Variants in PRKN observed in about 807,000 individuals in gnomAD.
The protein encoded by PRKN is E3 ubiquitin-protein ligase parkin.
In PRKN, 56 loss-of-function variants were observed where a neutral mutation model predicts 59.5. The ratio of observed to expected loss-of-function variants is 0.94; its 90% CI spans 0.76 to 1.18. The LOEUF (loss-of-function observed/expected upper bound fraction) is 1.18. Ranked by LOEUF, PRKN falls within the 50% of genes most tolerant of loss-of-function variation. PRKN has a pLI of 0.00. For missense variants in PRKN, 657 were observed against 596.4 expected (o/e 1.10, Z -1.06); for synonymous variants, 250 against 222.1 (o/e 1.13, Z -1.12).
At chr6:161,834,272 C>A (rs772494861) in intron 6 of PRKN, among the ~76,000 whole-genome samples, 49 of 152,086 alleles carry the variant, frequency 3.2e-4, no homozygotes, top group Admixed American at 3.9e-4. Flanking sequence ...GCCAAATAAT[C>A]CCCCTCCAGA....
intron 9 of PRKN, among the ~76,000 whole-genome samples, chr6:161,435,345 C>T (rs138119430): frequency 2.0e-5 from 3 of 152,240 alleles, no homozygotes; most frequent in African/African-American, 4.8e-5. Flanking sequence ...CATGCTCTGA[C>T]GCCTCCTGCC....
chr6:162,052,278 A>G (rs552240508), intron 5 of PRKN, among the ~76,000 whole-genome samples: 8 of 152,062 alleles, frequency 5.3e-5, no homozygotes, highest in Non-Finnish European at 7.4e-5. Flanking sequence ...TATAATTTAT[A>G]TATAATTCTA....
chr6:161,878,348 C>G (rs1040130238), intron 6 of PRKN, among the ~76,000 whole-genome samples: 24 of 152,058 alleles, frequency 1.6e-4, no homozygotes, highest in African/African-American at 5.1e-4. Flanking sequence ...GGAACTGAAT[C>G]AAGAAATAAA....
intron 7 of PRKN, among the ~76,000 whole-genome samples, chr6:161,577,100 G>C (rs900176997): frequency 6.6e-6 from 1 of 152,168 alleles, no homozygotes; most frequent in East Asian, 1.9e-4. Flanking sequence ...GTCTTAAAGT[G>C]TATTACAATA....
chr6:162,543,946 T>C (rs1008044409), intron 1 of PRKN, among the ~76,000 whole-genome samples: 1 of 152,182 alleles, frequency 6.6e-6, no homozygotes, highest in Non-Finnish European at 1.5e-5. Context: ...AACCTTTACT[T>C]TCATCCCAGG....
chr6:162,472,468 T>TATATATATATATATATATATATATA (rs1385821060), intron 1 of PRKN, among the ~76,000 whole-genome samples: 149 of 104,258 alleles, frequency 1.4e-3, no homozygotes, highest in East Asian at 2.5e-3. Context: ...TTTTATTTTA[T>TATATATATATATATATATATATATA]TTTATTTTAT....
At chr6:162,669,110 T>A (rs933128630) in intron 1 of PRKN, among the ~76,000 whole-genome samples, 30 of 152,130 alleles carry the variant, frequency 2.0e-4, no homozygotes, top group African/African-American at 7.0e-4. Context: ...AATCCACAGT[T>A]TTTTTTATTA....
At chr6:162,204,791 T>C (rs1281275744) in intron 3 of PRKN, among the ~76,000 whole-genome samples, 1 of 151,852 alleles carries the variant, frequency 6.6e-6, no homozygotes, top group Admixed American at 6.6e-5. Flanking sequence ...TGAGTCACCG[T>C]GGCCATTCAG....
In PRKN at chr6:161,471,145, T is replaced by G. The variant is rs572494821; in HGVS notation, c.1083+77709A>C. Among the ~76,000 whole-genome samples, 2 of 152,302 alleles carry G rather than the reference T, an allele frequency of 1.3e-5. No homozygotes were observed. The highest frequency in any genetic ancestry group is 4.1e-4 in the South Asian group (2 of 4,822). ...TCCCAGGTCCTGCAAATGTTAGGAC[T>G]GGACTAACCACTCCCTCTCAATAGA... is the stretch of plus-strand genomic sequence containing the variant. On this transcript the variant is annotated intron_variant, in intron 9 of 11. Transcript: ENST00000366898. This position sits in a 1 kb window ranked among gnomAD's most constrained non-coding sequence, Gnocchi z 4.5.
intron 1 of PRKN, among the ~76,000 whole-genome samples, chr6:162,470,182 G>C (rs891898988): frequency 7.2e-5 from 11 of 152,162 alleles, no homozygotes; most frequent in African/African-American, 2.7e-4. Context: ...GGACTTAAAC[G>C]CTGCATAGAC....
At chr6:161,992,542 T>C (rs1434315569) in intron 5 of PRKN, among the ~76,000 whole-genome samples, 2 of 152,200 alleles carry the variant, frequency 1.3e-5, no homozygotes, top group East Asian at 1.9e-4. Context: ...CAGCACTGGA[T>C]AGATCTATGA....
At chr6:162,212,022 TGTTCTAAAA>T (rs1424677001) in intron 3 of PRKN, among the ~76,000 whole-genome samples, 21 of 152,290 alleles carry the variant, frequency 1.4e-4, no homozygotes, top group African/African-American at 4.8e-4. Flanking sequence ...AATTACATAT[TGTTCTAAAA>T]GTCTGCACTG....
intron 1 of PRKN, among the ~76,000 whole-genome samples, chr6:162,445,964 A>C (rs1005455191): frequency 2.0e-5 from 3 of 152,062 alleles, no homozygotes; most frequent in Non-Finnish European, 2.9e-5. Flanking sequence ...GACATCTCTG[A>C]CCAGCACGGA....
intron 5 of PRKN, among the ~76,000 whole-genome samples, chr6:161,994,623 G>C (rs1781771801): frequency 6.6e-6 from 1 of 151,504 alleles, no homozygotes; most frequent in African/African-American, 2.4e-5. Context: ...AAAGTTGGAG[G>C]ACACAAAATC....
chr6:162,099,136 C>G (rs1416278956), intron 4 of PRKN, among the ~76,000 whole-genome samples: 2 of 152,132 alleles, frequency 1.3e-5, no homozygotes, highest in Non-Finnish European at 2.9e-5. Context: ...CCATTTCCAA[C>G]TTTAACACCG....
chr6:162,246,668 T>G (rs994097432), intron 3 of PRKN, among the ~76,000 whole-genome samples: 2 of 152,164 alleles, frequency 1.3e-5, no homozygotes, highest in Non-Finnish European at 2.9e-5. Context: ...CAGTGTTAAA[T>G]ATGTGATAAG....
At position 161,468,715 on chromosome 6, in the gene PRKN, C is replaced by G. The variant is rs185050014; in HGVS notation, c.1083+80139G>C. 6.6e-6 allele frequency among the ~76,000 whole-genome samples: 1 copy of G among 152,078 alleles called. No homozygotes were observed. Among genetic ancestry groups the G allele is most frequent in the Non-Finnish European group, 1.5e-5 (1 of 68,020 alleles). On this transcript the variant is annotated intron_variant, in intron 9 of 11. Transcript: ENST00000366898. This position sits in a 1 kb window ranked among gnomAD's most constrained non-coding sequence, Gnocchi z 5.9. The stretch of plus-strand genomic sequence containing the variant: ...TGCTATTTACCACTAATGCAGCTGC[C>G]GGGAGGATCCAGCCTCAGAGGACTT...
At chr6:161,779,322 A>G (rs60151691) in intron 7 of PRKN, among the ~76,000 whole-genome samples, 10,645 of 150,952 alleles carry the variant, frequency 0.071, 982 homozygotes, top group African/African-American at 0.22. Flanking sequence ...TGGGAGTAAT[A>G]TGGGTTCCAT....
chr6:161,753,762 G>T (rs776695028), intron 7 of PRKN, among the ~76,000 whole-genome samples: 6 of 152,206 alleles, frequency 3.9e-5, no homozygotes, highest in Non-Finnish European at 7.3e-5. Flanking sequence ...GAACACAAGT[G>T]CCAGAGAAGG....
Sources: allele counts gnomAD v4.1 joint callset (sites outside exome capture counted in the v4.1 genomes callset), GRCh38; gene constraint gnomAD v4.1.1; non-coding constraint Gnocchi (gnomAD v3.1); transcripts MANE v1.5; gene names NCBI Gene and HGNC (gene_info 2026-07-23, HGNC 2026-07-21).